TCF4: variants seen among roughly 807,000 people sequenced by gnomAD.
The protein encoded by TCF4 is transcription factor 4, also known as SL3-3 enhancer factor 2.
In TCF4, 3 loss-of-function variants were observed where a neutral mutation model predicts 82.1. The ratio of observed to expected loss-of-function variants is 0.04; its 90% CI spans 0.02 to 0.09. TCF4 has a LOEUF of 0.09. TCF4 is among the 10% of genes least tolerant of loss of function. TCF4 has a pLI of 1.00. For synonymous variants in TCF4, 276 were observed against 309.6 expected (o/e 0.89, Z 1.14); for missense variants, 518 against 852.7 (o/e 0.61, Z 4.89).
intron 5 of TCF4, among the ~76,000 whole-genome samples, chr18:55,460,749 T>C (rs1367316909): frequency 6.6e-6 from 1 of 152,202 alleles, no homozygotes; most frequent in Non-Finnish European, 1.5e-5. Context: ...GAAACTGTGG[T>C]CCGTGCTTTA....
At chr18:55,401,374 C>T in intron 6 of TCF4, 1 of 1,107,642 alleles carries the variant, frequency 9.0e-7, no homozygotes, top group Non-Finnish European at 1.1e-6. Flanking sequence ...CCATGAAGCA[C>T]AAATTAAGAA....
chr18:55,589,182 A>C (rs894859130), upstream of TCF4: 3 of 794,602 alleles, frequency 3.8e-6, no homozygotes, highest in Admixed American at 1.7e-4. Flanking sequence ...ACTTTTTCCC[A>C]TTGGCAATTA....
intron 3 of TCF4, among the ~76,000 whole-genome samples, chr18:55,506,544 T>A (rs1481107051): frequency 6.6e-6 from 1 of 152,052 alleles, no homozygotes; most frequent in African/African-American, 2.4e-5. Flanking sequence ...CACATTAAAA[T>A]GTCCACATGC....
chr18:55,354,061 C>T lies in TCF4; in HGVS notation c.370-3058G>A, dbSNP rs1009256544. ...AGATGTGGCATCTGGCAGAGCTAACCTGTAAATCTTAAACCCATAGTTTAG... is the reference window on the plus strand; with the variant it reads ...AGATGTGGCATCTGGCAGAGCTAACTTGTAAATCTTAAACCCATAGTTTAG... On this transcript the variant is annotated intron_variant, in intron 6 of 19. Transcript: ENST00000354452. Among the ~76,000 whole-genome samples the T allele has an allele frequency of 5.9e-5, 9 of 152,184 alleles. No homozygotes were observed. In the South Asian group the frequency reaches 1.7e-3, roughly 28 times the overall value.
At chr18:55,340,004 T>A (rs1345290435) in intron 8 of TCF4, among the ~76,000 whole-genome samples, 1 of 152,178 alleles carries the variant, frequency 6.6e-6, no homozygotes, top group African/African-American at 2.4e-5. Context: ...GTCTACCTAG[T>A]CCACACATCT....
chr18:55,321,857 G>T (rs1429804378), intron 8 of TCF4: 1 of 1,468,164 alleles, frequency 6.8e-7, no homozygotes, highest in South Asian at 1.4e-5. Context: ...GGCCAAGCGT[G>T]GTGAATATGC....
intron 5 of TCF4, among the ~76,000 whole-genome samples, chr18:55,414,194 CTTAG>C (rs1243983388): frequency 2.0e-5 from 3 of 151,982 alleles, no homozygotes; most frequent in African/African-American, 7.3e-5. Context: ...GAATGCAATT[CTTAG>C]TTATTTGACA....
intron 15 of TCF4, among the ~76,000 whole-genome samples, chr18:55,236,671 C>T (rs912945468): frequency 3.3e-5 from 5 of 152,216 alleles, no homozygotes; most frequent in Middle Eastern, 3.4e-3. Context: ...CATTAGAAAA[C>T]GGATTCAATC....
At chr18:55,341,536 A>T (rs2079962245) in intron 8 of TCF4, among the ~76,000 whole-genome samples, 1 of 152,184 alleles carries the variant, frequency 6.6e-6, no homozygotes, top group South Asian at 2.1e-4. Context: ...TGACCTAACC[A>T]AGGCCACTGG....
chr18:55,287,415 C>A (rs1446363362), intron 8 of TCF4, among the ~76,000 whole-genome samples: 1 of 152,196 alleles, frequency 6.6e-6, no homozygotes, highest in East Asian at 1.9e-4. Flanking sequence ...TAATTTCAGC[C>A]AAGAGGCGTT....
exon 1 of TCF4, chr18:55,635,715 C>G: frequency 1.9e-6 from 3 of 1,549,856 alleles, no homozygotes; most frequent in Non-Finnish European, 2.6e-6. Flanking sequence ...CCAAGGGCCT[C>G]CTGGAGAAGC....
In TCF4 at chr18:55,460,182, G is replaced by C. The variant is rs1185815643; in HGVS notation, c.304+837C>G. Among the ~76,000 whole-genome samples, 5 of 152,074 alleles carry C rather than the reference G, an allele frequency of 3.3e-5. No homozygotes were observed. The South Asian group carries it at 1.0e-3, about 31-fold the overall frequency. On this transcript the variant is annotated intron_variant, in intron 5 of 19. Transcript: ENST00000354452. ...AGAAATTTAACTTCACTTATTGACAGATTCTCAAGAGAATTTGGCCAGGTT... is the reference window on the plus strand; with the variant it reads ...AGAAATTTAACTTCACTTATTGACACATTCTCAAGAGAATTTGGCCAGGTT...
intron 1 of TCF4, among the ~76,000 whole-genome samples, chr18:55,635,013 G>GA (rs1000994517): frequency 9.9e-5 from 15 of 152,256 alleles, no homozygotes; most frequent in African/African-American, 3.4e-4. Context: ...GTGTATTAGA[G>GA]AAAAAACACA....
At chr18:55,397,821 A>G (rs2093589415) in intron 6 of TCF4, among the ~76,000 whole-genome samples, 1 of 152,204 alleles carries the variant, frequency 6.6e-6, no homozygotes, top group African/African-American at 2.4e-5. Context: ...TAAATCTGCA[A>G]CTTAAAATGG....
At chr18:55,415,317 A>G (rs2094487920) in intron 5 of TCF4, among the ~76,000 whole-genome samples, 1 of 152,238 alleles carries the variant, frequency 6.6e-6, no homozygotes, top group Non-Finnish European at 1.5e-5. Flanking sequence ...CTCAGTATTA[A>G]GCTACAACTT....
intron 5 of TCF4, among the ~76,000 whole-genome samples, chr18:55,453,773 T>C (rs1290743133): frequency 6.6e-6 from 1 of 151,464 alleles, no homozygotes; most frequent in East Asian, 1.9e-4. Flanking sequence ...AACGCAACTT[T>C]TTTCAATGGC....
At chr18:55,580,194 A>G (rs534881259) in intron 3 of TCF4, among the ~76,000 whole-genome samples, 1 of 152,156 alleles carries the variant, frequency 6.6e-6, no homozygotes, top group African/African-American at 2.4e-5. Flanking sequence ...AGAAAATGTA[A>G]CATTTTAAGC....
At chr18:55,486,239 T>C (rs2096512722) in intron 3 of TCF4, among the ~76,000 whole-genome samples, 1 of 152,176 alleles carries the variant, frequency 6.6e-6, no homozygotes, top group African/African-American at 2.4e-5. Context: ...GGATTGTTAC[T>C]GAAATAGTTT....
At chr18:55,426,952 T>C (rs551288837) in intron 5 of TCF4, among the ~76,000 whole-genome samples, 22 of 152,268 alleles carry the variant, frequency 1.4e-4, no homozygotes, top group Middle Eastern at 3.4e-3. Flanking sequence ...TTTCCCAAAA[T>C]ACAGTCTTTT....
Sources: allele counts gnomAD v4.1 joint callset (sites outside exome capture counted in the v4.1 genomes callset), GRCh38; gene constraint gnomAD v4.1.1; transcripts MANE v1.5; gene names NCBI Gene and HGNC (gene_info 2026-07-23, HGNC 2026-07-21).